The following UBE2E2 variants were observed in gnomAD, a reference collection of about 807,000 sequenced individuals.
UBE2E2 encodes the protein ubiquitin conjugating enzyme E2 E2.
In UBE2E2, 6 loss-of-function variants were observed where a neutral mutation model predicts 24.7. The ratio of observed to expected loss-of-function variants is 0.24; its 90% CI spans 0.13 to 0.48. UBE2E2 has a LOEUF of 0.48. UBE2E2 is among the 20% of genes least tolerant of loss of function. UBE2E2 has a pLI of 0.99. For missense variants in UBE2E2, 169 were observed against 245.0 expected, an observed-to-expected ratio of 0.69 and a Z score of 2.07; for synonymous variants, 104 against 83.6, an observed-to-expected ratio of 1.24 and a Z score of -1.33.
At chr3:23,565,636 C>T (rs1055550355) in intron 5 of UBE2E2, among the ~76,000 whole-genome samples, 21 of 151,784 alleles carry the variant, frequency 1.4e-4, no homozygotes, top group Admixed American at 1.3e-3. Flanking sequence ...TATAGGGGCC[C>T]TCTGGCTAAA....
rs3086984 is a variant in UBE2E2 at position 23,211,407 on chromosome 3, CT to C, written c.176+2549del. 2.4e-3 allele frequency among the ~76,000 whole-genome samples: 319 copies of C among 131,768 alleles called. 2 individuals are homozygous for C. Among genetic ancestry groups the C allele is most frequent in the African/African-American group, 4.0e-3 (144 of 35,870 alleles). The allele number at this position is 131,768 out of a possible 152,430, so 86.4% of individuals were successfully genotyped here. A position where few individuals can be genotyped will look rare whatever the true frequency, so the allele number is the denominator to read the frequency against. ...CATTTAGTAGCTATAGCTCTGTGGT[CT>C]TTTTTTTTTTTTTTTTGAGGCAGAG... On this transcript the variant is annotated intron_variant, in intron 2 of 5. Coordinates refer to ENST00000396703, the MANE Select transcript of UBE2E2 (RefSeq NM_152653.4).
chr3:23,545,195 C>T (rs1039442131), intron 5 of UBE2E2, among the ~76,000 whole-genome samples: 1 of 152,100 alleles, frequency 6.6e-6, no homozygotes, highest in African/African-American at 2.4e-5. Flanking sequence ...ACTAATCCTC[C>T]TCAGCACAGA....
intron 5 of UBE2E2, among the ~76,000 whole-genome samples, chr3:23,538,462 G>A (rs1053720687): frequency 6.6e-6 from 1 of 152,106 alleles, no homozygotes; most frequent in East Asian, 1.9e-4. Context: ...TTAAATAAGT[G>A]CTATTAATCA....
At chr3:23,459,555 G>T (rs182010425) in intron 3 of UBE2E2, among the ~76,000 whole-genome samples, 2 of 152,206 alleles carry the variant, frequency 1.3e-5, no homozygotes, top group East Asian at 1.9e-4. Context: ...TATCCAGAAC[G>T]TAAAAAGGAG....
At chr3:23,456,780 G>C (rs1217717777) in intron 3 of UBE2E2, among the ~76,000 whole-genome samples, 1 of 152,218 alleles carries the variant, frequency 6.6e-6, no homozygotes, top group Non-Finnish European at 1.5e-5. Flanking sequence ...GGATTAGTAA[G>C]TGAGCATTGG....
intron 3 of UBE2E2, among the ~76,000 whole-genome samples, chr3:23,402,174 A>G (rs1319721950): frequency 1.3e-5 from 2 of 151,990 alleles, no homozygotes; most frequent in African/African-American, 4.8e-5. Flanking sequence ...ATTTGGTTTT[A>G]TTTCTCCCAT....
chr3:23,450,692 C>T (rs1375749959), intron 3 of UBE2E2, among the ~76,000 whole-genome samples: 5 of 151,772 alleles, frequency 3.3e-5, no homozygotes, highest in Admixed American at 6.6e-5. Flanking sequence ...TTAAATATTC[C>T]GGCTTTATTT....
Position 23,397,140 on chromosome 3 carries a change from A to G in UBE2E2, c.228-102468A>G, listed in dbSNP as rs1020197527. On this transcript the variant is annotated intron_variant, in intron 3 of 5. Transcript: ENST00000396703. ...ATATGATCGATCGTGCTACAGTTCT[A>G]TAGTGAATGAATGCCAGGTAAAATA... Among the ~76,000 whole-genome samples, 17 of 152,352 alleles carry G rather than the reference A, an allele frequency of 1.1e-4. No individual in the cohort carries two copies. The East Asian group carries it at 1.5e-3, about 14-fold the overall frequency.
chr3:23,434,849 C>T (rs1698148192), intron 3 of UBE2E2, among the ~76,000 whole-genome samples: 2 of 151,908 alleles, frequency 1.3e-5, no homozygotes, highest in Admixed American at 6.6e-5. Flanking sequence ...GATTTTTTTC[C>T]ATTTGCTTAA....
chr3:23,317,584 A>T (rs1278236367), intron 3 of UBE2E2, among the ~76,000 whole-genome samples: 1 of 152,180 alleles, frequency 6.6e-6, no homozygotes, highest in Non-Finnish European at 1.5e-5. Flanking sequence ...CCTCACAATC[A>T]ATGGTGGAAG....
At chr3:23,437,241 C>CT (rs1698204829) in intron 3 of UBE2E2, among the ~76,000 whole-genome samples, 2 of 152,176 alleles carry the variant, frequency 1.3e-5, no homozygotes, top group Admixed American at 1.3e-4. Flanking sequence ...GTCTGACTCT[C>CT]TTTTTTCAGG....
chr3:23,326,900 A>G (rs1318850937), intron 3 of UBE2E2, among the ~76,000 whole-genome samples: 3 of 151,686 alleles, frequency 2.0e-5, no homozygotes, highest in Non-Finnish European at 4.4e-5. Context: ...TTCAATTCCT[A>G]CCTATGAGTG....
At chr3:23,273,391 C>T (rs184934626) in intron 3 of UBE2E2, among the ~76,000 whole-genome samples, 1 of 152,078 alleles carries the variant, frequency 6.6e-6, no homozygotes, top group African/African-American at 2.4e-5. Flanking sequence ...ATTAGCCGGG[C>T]GTGATGGCGG....
chr3:23,502,798 A>G lies in UBE2E2; in HGVS notation c.360+3058A>G, dbSNP rs544035058. ...TATATTTCAGTACAATTTTTAGTAC[A>G]TTGAATTTCTTATATGTTTATGCCT... On this transcript the variant is annotated intron_variant, in intron 4 of 5. Transcript: ENST00000396703. Among the ~76,000 whole-genome samples, 34 of 152,310 alleles carry G rather than the reference A, an allele frequency of 2.2e-4. No individual in the cohort carries two copies. In the South Asian group the frequency reaches 5.4e-3, roughly 24 times the overall value.
chr3:23,537,508 G>C (rs1695294017), intron 5 of UBE2E2, among the ~76,000 whole-genome samples: 1 of 152,216 alleles, frequency 6.6e-6, no homozygotes, highest in African/African-American at 2.4e-5. Context: ...TGATTAAGCT[G>C]AGGGTGAGCA....
At chr3:23,293,595 A>G (rs981284854) in intron 3 of UBE2E2, among the ~76,000 whole-genome samples, 1 of 152,228 alleles carries the variant, frequency 6.6e-6, no homozygotes, top group African/African-American at 2.4e-5. Flanking sequence ...AAGTATAAGA[A>G]TTAATTCTCT....
chr3:23,408,188 A>G (rs1377790957), intron 3 of UBE2E2, among the ~76,000 whole-genome samples: 3 of 152,188 alleles, frequency 2.0e-5, no homozygotes, highest in Non-Finnish European at 2.9e-5. Flanking sequence ...TTAGAAAAGA[A>G]TAAGTTCACT....
At chr3:23,427,544 A>G (rs1195105195) in intron 3 of UBE2E2, among the ~76,000 whole-genome samples, 4 of 152,258 alleles carry the variant, frequency 2.6e-5, no homozygotes, top group African/African-American at 4.8e-5. Context: ...TAACAAATCA[A>G]TAGATAATAA....
At chr3:23,497,789 T>G (rs141460905) in intron 3 of UBE2E2, among the ~76,000 whole-genome samples, 12 of 152,316 alleles carry the variant, frequency 7.9e-5, no homozygotes, top group African/African-American at 2.6e-4. Flanking sequence ...TTCTTGAAAT[T>G]TAGTTCATCT....
Sources: gnomAD v4.1 joint callset for allele counts (sites outside exome capture counted in the v4.1 genomes callset) on GRCh38, gnomAD v4.1.1 for gene constraint, MANE v1.5 for transcripts, NCBI Gene and HGNC (gene_info 2026-07-23, HGNC 2026-07-21) for gene names.